The following EGFL7 variants were observed in gnomAD, a reference collection of about 807,000 sequenced individuals.
EGFL7 encodes epidermal growth factor-like protein 7.
In EGFL7, 48 loss-of-function variants were observed where a neutral mutation model predicts 37.1. That is an observed-to-expected ratio of 1.29 (90% CI 1.03 to 1.65). EGFL7 has a LOEUF of 1.65. EGFL7 is among the 40% of genes most tolerant of loss of function. The probability of loss-of-function intolerance (pLI) is 0.00; values close to 1 mark genes in which losing one functional copy is unlikely to be tolerated. For synonymous variants in EGFL7, 180 were observed against 156.8 expected (o/e 1.15, Z -1.10); for missense variants, 384 against 378.9 (o/e 1.01, Z -0.11).
intron 3 of EGFL7, chr9:136,665,808 G>T (rs1358734322): frequency 6.8e-6 from 1 of 146,374 alleles, no homozygotes; most frequent in Non-Finnish European, 1.5e-5. Flanking sequence ...TGCGCGCCCC[G>T]GATCCGGCGG....
At chr9:136,663,237 G>A (rs1299963921) in intron 1 of EGFL7, 129 bp downstream of exon 1, 1 of 152,386 alleles carries the variant, frequency 6.6e-6, no homozygotes, top group African/African-American at 2.4e-5. Flanking sequence ...ACAGGGGAGG[G>A]GTCCCAGTCT....
intron 5 of EGFL7, 131 bp downstream of exon 5, chr9:136,668,804 G>C: frequency 2.3e-6 from 2 of 874,942 alleles, no homozygotes; most frequent in Admixed American, 4.0e-5. Context: ...GCCATGAGAG[G>C]GCTGCCTGAG....
At chr9:136,671,859 CCCTAGA>C in intron 9 of EGFL7, 61 bp from the exon 10 acceptor site, 3 of 1,439,246 alleles carry the variant, frequency 2.1e-6, no homozygotes, top group Non-Finnish European at 2.7e-6. Context: ...CAGGGGTCCT[CCCTAGA>C]CCCCGGTGGA....
chr9:136,661,520 C>A (rs964540035), upstream of EGFL7, among the ~76,000 whole-genome samples: 10 of 152,144 alleles, frequency 6.6e-5, no homozygotes, highest in South Asian at 2.1e-4. Context: ...CTCAGACCAG[C>A]GGTGCCTGGG....
chr9:136,664,427 G>A (rs1454134105), intron 2 of EGFL7, among the ~76,000 whole-genome samples: 2 of 152,118 alleles, frequency 1.3e-5, no homozygotes, highest in African/African-American at 4.8e-5. Context: ...TCCACTCACA[G>A]CAGCCTCCCA....
At chr9:136,671,468 C>T (rs1192986313) in intron 9 of EGFL7, among the ~76,000 whole-genome samples, 1 of 152,054 alleles carries the variant, frequency 6.6e-6, no homozygotes, top group Non-Finnish European at 1.5e-5. Context: ...GGCTTCCTCG[C>T]TGCTGACTGC....
At chr9:136,661,838 C>T (rs907595997), upstream of EGFL7, among the ~76,000 whole-genome samples, 7 of 152,188 alleles carry the variant, frequency 4.6e-5, no homozygotes, top group African/African-American at 1.7e-4. Flanking sequence ...GCACACTGAC[C>T]GCCCAGGGCC....
At chr9:136,667,664 G>A (rs1328626771) in intron 3 of EGFL7, among the ~76,000 whole-genome samples, 1 of 152,158 alleles carries the variant, frequency 6.6e-6, no homozygotes, top group Admixed American at 6.5e-5. Flanking sequence ...AATGAAGGCC[G>A]CCCCTCTGGT....
rs757000104 is a variant in EGFL7, at chr9:136,664,307, TC to T, written c.-136-382del. On this transcript the variant is annotated intron_variant, in intron 2 of 10. Transcript: ENST00000308874. ...ACTCCTCTCCAGGGACCTGGGCCCC[TC>T]CCTTCCTCCAGCTCCCATGCACCAA... is the stretch of plus-strand genomic sequence containing the variant. 1.1e-4 allele frequency among the ~76,000 whole-genome samples: 17 copies of T among 152,200 alleles called. No individual in the cohort carries two copies. In the South Asian group the frequency reaches 1.7e-3, roughly 15 times the overall value.
rs368893982 is a variant in EGFL7, at chr9:136,670,946, G to A, written c.572-4G>A. On this transcript the variant is annotated splice_polypyrimidine_tract_variant and splice_region_variant and intron_variant, in intron 8 of 10. Transcript: ENST00000308874. ...CGTGACCCAGCGCCTGGCTCTGCCC[G>A]CAGGAGTGGACAGTGCAATGAAGGA... 1.9e-5 allele frequency: 28 copies of A among 1,510,032 alleles called. No homozygotes were observed. The highest frequency in any genetic ancestry group is 4.3e-5 in the African/African-American group (3 of 69,834). The allele number at this position is 1,510,032 out of a possible 1,614,324, so 93.5% of individuals were successfully genotyped here.
rs1304820249 is a variant in EGFL7 at position 136,669,661 on chromosome 9, C to T, written c.253C>T (p.Arg85Cys). ...CCCTGGGCTGGCCCCTGCCAGGCCT[C>T]GCTACGCGTGCTGCCCCGGCTGGAA... The part of the protein sequence containing the change: ...RSPGLAPARP[R>C]YACCPGWKRT... The change falls in exon 6 of 11, where the codon CGC becomes TGC. Residue 85 changes from arginine to cysteine, a missense_variant. By Grantham distance (180) the Arg-to-Cys change is radical. Coordinates refer to ENST00000308874, the MANE Select transcript of EGFL7 (RefSeq NM_016215.5). 6 of 1,610,434 alleles carry T rather than the reference C, an allele frequency of 3.7e-6. No individual in the cohort carries two copies. Among genetic ancestry groups the T allele is most frequent in the South Asian group, 1.1e-5 (1 of 90,532 alleles).
At chr9:136,660,002 T>C (rs1330570833), upstream of EGFL7, among the ~76,000 whole-genome samples, 1 of 152,174 alleles carries the variant, frequency 6.6e-6, no homozygotes, top group Admixed American at 6.5e-5. Flanking sequence ...GAGGCACTGC[T>C]GACTCCCAAA....
intron 2 of EGFL7, among the ~76,000 whole-genome samples, chr9:136,664,319 G>C (rs74973741): frequency 0.028 from 4,192 of 152,214 alleles, 145 homozygotes; most frequent in East Asian, 0.11. Context: ...CCTTCCTCCA[G>C]CTCCCATGCA....
intron 2 of EGFL7, among the ~76,000 whole-genome samples, chr9:136,663,892 G>A (rs74847602): frequency 1.2e-3 from 182 of 152,364 alleles, no homozygotes; most frequent in Non-Finnish European, 2.4e-3. Context: ...GGGCAGCGAG[G>A]GCTGAGTCGG....
rs1483252635 is a variant in EGFL7 at position 136,666,813 on chromosome 9, GCCC to G, written c.-42-1426_-42-1424del. On this transcript the variant is annotated intron_variant, in intron 3 of 10. Transcript: ENST00000308874. This position sits in a 1 kb window ranked among gnomAD's most constrained non-coding sequence, Gnocchi z 6.8. Reference sequence around the variant, plus strand: ...TTGCCTTGAGGTCGCACCAGACCCAGCCCCTAACAGTGTCCTTCATCCAGGGCC... The same window carrying G: ...TTGCCTTGAGGTCGCACCAGACCCAGCTAACAGTGTCCTTCATCCAGGGCC... 6.6e-6 allele frequency among the ~76,000 whole-genome samples: 1 copy of G among 152,080 alleles called. No individual in the cohort carries two copies. The highest frequency in any genetic ancestry group is 1.5e-5 in the Non-Finnish European group (1 of 67,998).
At chr9:136,665,809 G>A (rs1845430559) in intron 3 of EGFL7, 1 of 146,032 alleles carries the variant, frequency 6.8e-6, no homozygotes, top group Non-Finnish European at 1.5e-5. Context: ...GCGCGCCCCG[G>A]ATCCGGCGGT....
At chr9:136,672,195 G>A (rs1845961422) in intron 10 of EGFL7, 69 bp from the exon 11 acceptor site, 4 of 1,611,482 alleles carry the variant, frequency 2.5e-6, no homozygotes, top group Admixed American at 3.3e-5. Flanking sequence ...CAAGGGGCCA[G>A]TCAGATCTAG....
At position 136,669,869 on chromosome 9, in the gene EGFL7, G is replaced by C. The variant is rs535065787; in HGVS notation, c.314-45G>C. ...TCCCTAGCAGCTGCCCCCACAGGGT[G>C]CTGGGGACCCAACTGAGCTGGTGAC... On this transcript the variant is annotated intron_variant, in intron 6 of 10. Transcript: ENST00000308874. 10 of 1,529,454 alleles carry C rather than the reference G, an allele frequency of 6.5e-6. No individual in the cohort carries two copies. In the South Asian group the frequency reaches 9.7e-5, roughly 15 times the overall value. The allele number at this position is 1,529,454 out of a possible 1,614,324, so 94.7% of individuals were successfully genotyped here.
chr9:136,672,665 A>C lies in EGFL7; in HGVS notation c.*379A>C. ...CTGCTGCCTGACCCCCAGCACAATA[A>C]AAATGAAACGTGAGCTGCTGTGTCA... is the stretch of plus-strand genomic sequence containing the variant. On this transcript the variant is annotated 3_prime_UTR_variant, in exon 11 of 11. Coordinates refer to ENST00000308874, the MANE Select transcript of EGFL7 (RefSeq NM_016215.5). 3 of 327,258 alleles carry C rather than the reference A, an allele frequency of 9.2e-6. No individual in the cohort carries two copies. Among genetic ancestry groups the C allele is most frequent in the East Asian group, 1.1e-4 (2 of 18,316 alleles). 20.3% of individuals were successfully genotyped at this position (327,258 alleles called of 1,614,324 possible).
Sources: gnomAD v4.1 joint callset for allele counts (sites outside exome capture counted in the v4.1 genomes callset) on GRCh38, gnomAD v4.1.1 for gene constraint, Gnocchi (gnomAD v3.1) non-coding constraint, MANE v1.5 for transcripts, NCBI Gene and HGNC (gene_info 2026-07-23, HGNC 2026-07-21) for gene names.